Variants in KDM4B observed in about 807,000 individuals in gnomAD.
The protein encoded by KDM4B is lysine-specific demethylase 4B.
A neutral mutation model predicts 125.2 loss-of-function variants in KDM4B; 32 were observed. The observed-to-expected ratio is 0.26, with a 90% CI of 0.19 to 0.34. The LOEUF (loss-of-function observed/expected upper bound fraction) is 0.34. KDM4B is among the 10% of genes least tolerant of loss of function. The pLI is 1.00. For synonymous variants in KDM4B, 721 were observed against 677.9 expected (o/e 1.06, Z -0.99); for missense variants, 1,190 against 1,577.7 (o/e 0.75, Z 4.16).
At chr19:5,006,188 C>T (rs536617760) in intron 1 of KDM4B, among the ~76,000 whole-genome samples, 2 of 152,054 alleles carry the variant, frequency 1.3e-5, no homozygotes, top group African/African-American at 4.8e-5. Context: ...CCTGGCTCCC[C>T]GCAGCCTCTC....
At chr19:5,017,445 G>A (rs529529355) in intron 2 of KDM4B, among the ~76,000 whole-genome samples, 7 of 152,320 alleles carry the variant, frequency 4.6e-5, no homozygotes, top group East Asian at 1.9e-4. Flanking sequence ...CAGAGGGCGT[G>A]GCCTGCGCAT....
intron 13 of KDM4B, among the ~76,000 whole-genome samples, chr19:5,132,805 T>A (rs2039582326): frequency 6.6e-6 from 1 of 152,082 alleles, no homozygotes; most frequent in African/African-American, 2.4e-5. Context: ...CCCCAGGCAT[T>A]CTGGGGTTGT....
chr19:5,022,611 C>A (rs888873924), intron 2 of KDM4B, among the ~76,000 whole-genome samples: 2 of 152,302 alleles, frequency 1.3e-5, no homozygotes, highest in East Asian at 1.9e-4. Context: ...TGGCCACCCC[C>A]ACGGATGGTC....
chr19:5,088,002 C>A (rs1429666487), intron 9 of KDM4B, among the ~76,000 whole-genome samples: 3 of 152,356 alleles, frequency 2.0e-5, no homozygotes, highest in Non-Finnish European at 2.9e-5. Context: ...AAATGCCAGG[C>A]AGGAGGTTGC....
intron 2 of KDM4B, among the ~76,000 whole-genome samples, chr19:5,024,521 C>T (rs1275202476): frequency 2.0e-5 from 3 of 152,084 alleles, no homozygotes; most frequent in South Asian, 4.1e-4. Context: ...GAGGAGCTGT[C>T]CAGGACAGCC....
Position 5,082,581 on chromosome 19 carries a change from A to AT in KDM4B, c.918+78dup. Reference sequence around the variant, plus strand: ...TTTTTGCCTCTGCAGCCACACGCCCATAGCTGGTCCAGCAGCCGTTTCGCT... The same window carrying AT: ...TTTTTGCCTCTGCAGCCACACGCCCATTAGCTGGTCCAGCAGCCGTTTCGCT... On this transcript the variant is annotated intron_variant, in intron 9 of 22. Coordinates refer to ENST00000159111, the MANE Select transcript of KDM4B (RefSeq NM_015015.3). This position sits in a 1 kb window ranked among gnomAD's most constrained non-coding sequence, Gnocchi z 5.4. 6.8e-7 allele frequency: 1 copy of AT among 1,464,860 alleles called. No homozygotes were observed. The highest frequency in any genetic ancestry group is 9.1e-7 in the Non-Finnish European group (1 of 1,098,032). 90.7% of individuals were successfully genotyped at this position (1,464,860 alleles called of 1,614,324 possible). A position where few individuals can be genotyped will look rare whatever the true frequency, so the allele number is the denominator to read the frequency against.
intron 5 of KDM4B, 136 bp from the exon 6 acceptor site, chr19:5,047,340 G>C (rs2037057730): frequency 5.4e-6 from 4 of 744,188 alleles, no homozygotes; most frequent in East Asian, 2.7e-5. Context: ...CCGGCCCCTG[G>C]GGGGGCCGCA....
At chr19:5,041,325 C>T (rs1321856916) in intron 5 of KDM4B, 74 bp downstream of exon 5, 5 of 1,173,834 alleles carry the variant, frequency 4.3e-6, no homozygotes, top group Non-Finnish European at 6.3e-6. Context: ...CTGAACGGGA[C>T]TCTGCCTTGG....
chr19:5,133,556 G>T (rs1305089975), intron 13 of KDM4B, among the ~76,000 whole-genome samples: 2 of 152,214 alleles, frequency 1.3e-5, no homozygotes. Context: ...TGGGTGAGTG[G>T]ACGGCTCTGG....
At chr19:4,987,834 AG>A (rs1409623592) in intron 1 of KDM4B, among the ~76,000 whole-genome samples, 1 of 152,056 alleles carries the variant, frequency 6.6e-6, no homozygotes, top group African/African-American at 2.4e-5. Flanking sequence ...GCTCAGGAGA[AG>A]GGGGTCTGGG....
In KDM4B at chr19:5,027,366, T is replaced by C. The variant is rs767887594; in HGVS notation, c.-25-5500T>C. Among the ~76,000 whole-genome samples the C allele has an allele frequency of 5.7e-4, 87 of 152,162 alleles. 1 individual carries two copies. The highest frequency in any genetic ancestry group is 2.2e-3 in the Admixed American group (34 of 15,274). On this transcript the variant is annotated intron_variant, in intron 2 of 22. Coordinates refer to ENST00000159111, the MANE Select transcript of KDM4B (RefSeq NM_015015.3). ...CGGCTGTTTCCCACGCCTCCCCGCGTGTCCCCAAGACAAAAGGTCTGGGAT... is the reference window on the plus strand; with the variant it reads ...CGGCTGTTTCCCACGCCTCCCCGCGCGTCCCCAAGACAAAAGGTCTGGGAT...
intron 9 of KDM4B, among the ~76,000 whole-genome samples, chr19:5,096,684 G>A (rs1179706469): frequency 6.8e-6 from 1 of 147,200 alleles, no homozygotes; most frequent in Non-Finnish European, 1.5e-5. Context: ...CGGTGCCCCC[G>A]GCGGTGTCGG....
At chr19:5,108,139 C>G (rs1195785073) in intron 9 of KDM4B, among the ~76,000 whole-genome samples, 2 of 151,790 alleles carry the variant, frequency 1.3e-5, no homozygotes, top group Non-Finnish European at 2.9e-5. Context: ...GTCTGCCTGT[C>G]CCCCCTCCAC....
intron 21 of KDM4B, among the ~76,000 whole-genome samples, chr19:5,147,037 A>G (rs1047393317): frequency 4.6e-5 from 7 of 151,448 alleles, no homozygotes; most frequent in South Asian, 4.2e-4. Flanking sequence ...GACAGTGACA[A>G]CACCCTCCGC....
intron 6 of KDM4B, among the ~76,000 whole-genome samples, chr19:5,050,266 A>G (rs2037177095): frequency 6.6e-6 from 1 of 152,256 alleles, no homozygotes; most frequent in Non-Finnish European, 1.5e-5. Flanking sequence ...CCTGGTGTCA[A>G]TAACAGGCAG....
At chr19:5,060,203 G>C (rs1455488947) in intron 6 of KDM4B, among the ~76,000 whole-genome samples, 1 of 152,080 alleles carries the variant, frequency 6.6e-6, no homozygotes, top group Admixed American at 6.5e-5. Flanking sequence ...ACTTTGGGAG[G>C]CCAAGGTGGG....
chr19:5,050,166 A>G (rs1398256531), intron 6 of KDM4B, among the ~76,000 whole-genome samples: 1 of 152,224 alleles, frequency 6.6e-6, no homozygotes. Flanking sequence ...GAAAGTGTCA[A>G]TGTACTCAGG....
At chr19:4,998,282 C>T (rs971874486) in intron 1 of KDM4B, among the ~76,000 whole-genome samples, 1 of 152,220 alleles carries the variant, frequency 6.6e-6, no homozygotes, top group African/African-American at 2.4e-5. Flanking sequence ...GGTGACCAAG[C>T]CTGTGTCTGT....
intron 2 of KDM4B, among the ~76,000 whole-genome samples, chr19:5,018,632 G>A (rs1474663135): frequency 6.6e-6 from 1 of 152,208 alleles, no homozygotes. Flanking sequence ...GGTCGTTGGT[G>A]CACTCACAGG....
Sources: gnomAD v4.1 joint callset for allele counts (sites outside exome capture counted in the v4.1 genomes callset) on GRCh38, gnomAD v4.1.1 for gene constraint, Gnocchi (gnomAD v3.1) non-coding constraint, MANE v1.5 for transcripts, NCBI Gene and HGNC (gene_info 2026-07-23, HGNC 2026-07-21) for gene names.